The following PROM1 variants were observed in gnomAD, a reference collection of about 807,000 sequenced individuals.
PROM1 encodes prominin-1.
PROM1 carries 105 observed loss-of-function variants against 116.9 expected under a neutral mutation model. The ratio of observed to expected loss-of-function variants is 0.90; its 90% CI spans 0.77 to 1.06. The LOEUF is 1.06. Ranked by LOEUF, PROM1 falls within the 50% of genes least tolerant of loss-of-function variation. The pLI is 0.00. For synonymous variants in PROM1, 393 were observed against 387.0 expected (o/e 1.02, Z -0.18); for missense variants, 1,122 against 1,045.2 (o/e 1.07, Z -1.01).
intron 6 of PROM1, 89 bp from the exon 7 acceptor site, chr4:16,024,447 C>T (rs1730722861): frequency 1.4e-5 from 15 of 1,093,234 alleles, no homozygotes; most frequent in Admixed American, 2.9e-5. Context: ...AAAAGTTTTC[C>T]TGAATCAGGA....
chr4:16,009,934 CAAA>C lies in PROM1; in HGVS notation c.1142-829_1142-827del, dbSNP rs4065768. On this transcript the variant is annotated intron_variant, in intron 11 of 27. Transcript: ENST00000447510. The stretch of plus-strand genomic sequence containing the variant: ...TGGGTGACATAGCAAGACTCGCTCT[CAAA>C]AAAAAAAAAAAAAAAAAAAAGTCTT... 2.3e-3 allele frequency among the ~76,000 whole-genome samples: 171 copies of C among 75,412 alleles called. 1 individual carries two copies. The highest frequency in any genetic ancestry group is 5.6e-3 in the Admixed American group (37 of 6,556). 49.5% of individuals were successfully genotyped at this position (75,412 alleles called of 152,430 possible).
rs1328001825 is a variant in PROM1 at position 16,024,360 on chromosome 4, T to C, written c.631-2A>G. 2.5e-6 allele frequency: 4 copies of C among 1,609,592 alleles called. No homozygotes were observed. The highest frequency in any genetic ancestry group is 3.4e-6 in the Non-Finnish European group (4 of 1,177,898). The stretch of plus-strand genomic sequence containing the variant: ...CTGGGCCAATATATATTTGATTTGC[T>C]GAAAAAAGAACATTCTGTGAAACCT... On this transcript the variant is annotated splice_acceptor_variant, in intron 6 of 27. Coordinates refer to ENST00000447510, the MANE Select transcript of PROM1 (RefSeq NM_006017.3). LOFTEE classifies it high-confidence loss of function.
intron 9 of PROM1, among the ~76,000 whole-genome samples, chr4:16,018,049 T>C (rs1288100417): frequency 1.3e-5 from 2 of 152,264 alleles, no homozygotes; most frequent in African/African-American, 2.4e-5. Context: ...CATGAATATA[T>C]TCTGTTTCCT....
At chr4:15,991,167 CT>C (rs1720885658) in intron 18 of PROM1, 54 bp downstream of exon 18, 1 of 1,446,816 alleles carries the variant, frequency 6.9e-7, no homozygotes, top group African/African-American at 1.4e-5. Context: ...AAGAATGGTA[CT>C]GACATTTGAC....
chr4:15,977,377 A>C (rs189453765), intron 26 of PROM1, among the ~76,000 whole-genome samples: 3 of 152,248 alleles, frequency 2.0e-5, no homozygotes, highest in African/African-American at 7.2e-5. Context: ...CTGATCTTGA[A>C]AATTTCAGTC....
At chr4:16,062,424 A>G (rs1329629477) in intron 2 of PROM1, among the ~76,000 whole-genome samples, 1 of 152,228 alleles carries the variant, frequency 6.6e-6, no homozygotes, top group African/African-American at 2.4e-5. Flanking sequence ...TTGTTAATGA[A>G]TAATAAATAA....
chr4:16,024,823 G>A (rs1305052307), intron 6 of PROM1, among the ~76,000 whole-genome samples: 4 of 152,130 alleles, frequency 2.6e-5, no homozygotes, highest in Admixed American at 2.0e-4. Flanking sequence ...TTCATTACAA[G>A]AGTAACTTTG....
At position 16,045,091 on chromosome 4, in the gene PROM1, C is replaced by T. The variant is rs1376560641; in HGVS notation, c.221-6090G>A. ...CACGGCCTTCAACACTCCACTCTTC[C>T]CTGCCGGCCCTCAGCAAGTGGCACA... On this transcript the variant is annotated intron_variant, in intron 2 of 27. Transcript: ENST00000447510. Among the ~76,000 whole-genome samples the T allele has an allele frequency of 3.2e-3, 481 of 152,254 alleles. 4 individuals are homozygous for T. Among genetic ancestry groups the T allele is most frequent in the African/African-American group, 0.011 (450 of 41,544 alleles).
At chr4:16,081,590 CTT>C (rs1745060514) in intron 1 of PROM1, among the ~76,000 whole-genome samples, 1 of 152,186 alleles carries the variant, frequency 6.6e-6, no homozygotes, top group African/African-American at 2.4e-5. Context: ...GAACAGGCAA[CTT>C]ACAGAATCCA....
intron 2 of PROM1, among the ~76,000 whole-genome samples, chr4:16,049,041 C>T (rs1374002330): frequency 2.6e-5 from 4 of 152,180 alleles, no homozygotes; most frequent in East Asian, 3.9e-4. Flanking sequence ...TGGGGCTCCC[C>T]GACAGTGCGA....
intron 11 of PROM1, among the ~76,000 whole-genome samples, chr4:16,009,551 G>C (rs1054070618): frequency 6.6e-6 from 1 of 152,130 alleles, no homozygotes; most frequent in African/African-American, 2.4e-5. Flanking sequence ...AGAAAGCTCT[G>C]GTAACGGGAT....
At chr4:15,999,483 A>G (rs972965114) in intron 14 of PROM1, among the ~76,000 whole-genome samples, 7 of 151,810 alleles carry the variant, frequency 4.6e-5, no homozygotes, top group Non-Finnish European at 8.8e-5. Flanking sequence ...AAAAAAAAAA[A>G]AATTCACACA....
rs766971255 is a variant in PROM1, at chr4:15,997,221, T to C, written c.1682+1164A>G. 6.9e-5 allele frequency among the ~76,000 whole-genome samples: 10 copies of C among 144,086 alleles called. No individual in the cohort carries two copies. In the South Asian group the frequency reaches 8.6e-4, roughly 12 times the overall value. The allele number at this position is 144,086 out of a possible 152,430, so 94.5% of individuals were successfully genotyped here. A position where few individuals can be genotyped will look rare whatever the true frequency, so the allele number is the denominator to read the frequency against. On this transcript the variant is annotated intron_variant, in intron 15 of 27. Coordinates refer to ENST00000447510, the MANE Select transcript of PROM1 (RefSeq NM_006017.3). ...AAAAGAAATGCATTTCAATGAAACATATATATATATATGAAATGCATTTCG... is the reference window on the plus strand; with the variant it reads ...AAAAGAAATGCATTTCAATGAAACACATATATATATATGAAATGCATTTCG...
chr4:15,989,893 G>T, intron 18 of PROM1, 69 bp from the exon 19 acceptor site: 2 of 1,282,944 alleles, frequency 1.6e-6, no homozygotes, highest in Non-Finnish European at 1.1e-6. Context: ...GCTATCCTCA[G>T]GGGCCCTGTG....
At chr4:16,018,197 T>TCTCTATC (rs1214001394) in intron 9 of PROM1, 126 bp downstream of exon 9, 2 of 837,276 alleles carry the variant, frequency 2.4e-6, no homozygotes, top group Non-Finnish European at 1.9e-6. Context: ...AGAAGGCTGA[T>TCTCTATC]AGAGGCCAGG....
chr4:15,979,878 T>G lies in PROM1; in HGVS notation c.2513+3A>C. 2 of 1,453,124 alleles carry G rather than the reference T, an allele frequency of 1.4e-6. No homozygotes were observed. 90.0% of individuals were successfully genotyped at this position (1,453,124 alleles called of 1,614,324 possible). A position where few individuals can be genotyped will look rare whatever the true frequency, so the allele number is the denominator to read the frequency against. On this transcript the variant is annotated splice_donor_region_variant and intron_variant, in intron 25 of 27. Coordinates refer to ENST00000447510, the MANE Select transcript of PROM1 (RefSeq NM_006017.3). ...GGAATATAGTTTTTTTAAAAAGGCT[T>G]ACTTTTTCATGGGTATAGTTTCAAC...
intron 2 of PROM1, among the ~76,000 whole-genome samples, chr4:16,064,972 C>G (rs1741183045): frequency 6.6e-6 from 1 of 152,172 alleles, no homozygotes; most frequent in Non-Finnish European, 1.5e-5. Context: ...ATAAAAAGCT[C>G]CCTGGTGATG....
In PROM1 at chr4:16,039,706, C is replaced by A. The variant is rs187146983; in HGVS notation, c.221-705G>T. Among the ~76,000 whole-genome samples, 6 of 140,926 alleles carry A rather than the reference C, an allele frequency of 4.3e-5. No individual in the cohort carries two copies. The East Asian group carries it at 1.4e-3, about 32-fold the overall frequency. 92.5% of individuals were successfully genotyped at this position (140,926 alleles called of 152,430 possible). ...TGAGCCGAAATCGCGCCACTGCACT[C>A]CAGACTGTCAAAAAAAAAAAAAAAA... On this transcript the variant is annotated intron_variant, in intron 2 of 27. Transcript: ENST00000447510.
At chr4:16,027,736 A>T (rs1731678029) in intron 5 of PROM1, among the ~76,000 whole-genome samples, 1 of 152,182 alleles carries the variant, frequency 6.6e-6, no homozygotes, top group Admixed American at 6.6e-5. Flanking sequence ...ACTTTGTATA[A>T]TGCAGTCTTG....
Sources: gnomAD v4.1 joint callset for allele counts (sites outside exome capture counted in the v4.1 genomes callset) on GRCh38, gnomAD v4.1.1 for gene constraint, MANE v1.5 for transcripts, NCBI Gene and HGNC (gene_info 2026-07-23, HGNC 2026-07-21) for gene names.